CNOT6: variants seen among roughly 807,000 people sequenced by gnomAD.
CNOT6 encodes CCR4-NOT transcription complex subunit 6.
Under a neutral mutation model 61.2 loss-of-function variants are expected in CNOT6, and 12 were observed. The observed-to-expected ratio is 0.20, with a 90% CI of 0.13 to 0.32. CNOT6 has a LOEUF of 0.32. CNOT6 is among the 10% of genes least tolerant of loss of function. CNOT6 has a pLI of 1.00. For synonymous variants in CNOT6, 225 were observed against 240.6 expected (o/e 0.94, Z 0.60); for missense variants, 405 against 663.9 (o/e 0.61, Z 4.28).
At chr5:180,539,164 A>G (rs535246891) in intron 2 of CNOT6, among the ~76,000 whole-genome samples, 2 of 122,958 alleles carry the variant, frequency 1.6e-5, no homozygotes, top group East Asian at 4.4e-4. Context: ...ACAGAGCGAG[A>G]CTCCATCTCA....
chr5:180,542,630 TTACACCTAGTTC>T (rs1759104395), intron 2 of CNOT6, among the ~76,000 whole-genome samples: 1 of 152,226 alleles, frequency 6.6e-6, no homozygotes, highest in Non-Finnish European at 1.5e-5. Context: ...GGTATACTAA[TTACACCTAGTTC>T]TTTTAGTGTT....
At chr5:180,526,206 T>C (rs2127718003) in intron 1 of CNOT6, among the ~76,000 whole-genome samples, 1 of 144,122 alleles carries the variant, frequency 6.9e-6, no homozygotes, top group Admixed American at 7.0e-5. Flanking sequence ...TCCTGAGGAT[T>C]GTTTTTGCTA....
At chr5:180,513,562 CAG>C (rs764016204) in intron 1 of CNOT6, among the ~76,000 whole-genome samples, 1 of 151,192 alleles carries the variant, frequency 6.6e-6, no homozygotes, top group Non-Finnish European at 1.5e-5. Flanking sequence ...TTAGTAGAGA[CAG>C]GGTTTCACCA....
intron 1 of CNOT6, among the ~76,000 whole-genome samples, chr5:180,514,186 G>A (rs894513545): frequency 2.0e-5 from 3 of 151,782 alleles, no homozygotes; most frequent in African/African-American, 7.3e-5. Context: ...CACTTTGGGA[G>A]GCCGAGGCGG....
intron 2 of CNOT6, among the ~76,000 whole-genome samples, chr5:180,536,303 G>A (rs1290546708): frequency 1.3e-5 from 2 of 151,802 alleles, no homozygotes; most frequent in African/African-American, 4.8e-5. Flanking sequence ...CTGGCCTAGG[G>A]TTGTTTTTTT....
At chr5:180,518,010 C>G (rs201526810) in intron 1 of CNOT6, among the ~76,000 whole-genome samples, 1 of 47,644 alleles carries the variant, frequency 2.1e-5, no homozygotes, top group African/African-American at 4.8e-5. Context: ...CCATCTCCCC[C>G]TCTCTCCTCG....
At position 180,577,065 on chromosome 5, in the gene CNOT6, C is replaced by T. The variant is rs1481533070; in HGVS notation, c.*2865C>T. 6.6e-6 allele frequency: 1 copy of T among 152,272 alleles called. No homozygotes were observed. The highest frequency in any genetic ancestry group is 1.5e-5 in the Non-Finnish European group (1 of 68,000). The allele number at this position is 152,272 out of a possible 1,614,324, so 9.4% of individuals were successfully genotyped here. ...CTTTGAGAGTTTCAATATTGTTCGT[C>T]AAGTTAACTTATGGCATAATTTAAG... On this transcript the variant is annotated 3_prime_UTR_variant, in exon 12 of 12. Transcript: ENST00000261951.
intron 3 of CNOT6, among the ~76,000 whole-genome samples, chr5:180,550,475 T>C (rs1581543044): frequency 6.6e-6 from 1 of 152,014 alleles, no homozygotes; most frequent in Non-Finnish European, 1.5e-5. Flanking sequence ...AAAAAAACAT[T>C]TGTTGTGTTA....
At chr5:180,500,441 C>CTTT (rs35457190) in intron 1 of CNOT6, among the ~76,000 whole-genome samples, 5 of 126,634 alleles carry the variant, frequency 3.9e-5, no homozygotes, top group South Asian at 2.5e-4. Flanking sequence ...CTTTTCTTTT[C>CTTT]TTTTTTTTTT....
At position 180,567,271 on chromosome 5, in the gene CNOT6, G is replaced by A. The variant is rs1760512426; in HGVS notation, c.872+29G>A. ...AGTCATCTTATTTTTTAAAAAGAAC[G>A]TTTTCTCAGTATTTGCAGGGTGGGG... is the stretch of plus-strand genomic sequence containing the variant. On this transcript the variant is annotated intron_variant, in intron 8 of 11. Coordinates refer to ENST00000261951, the MANE Select transcript of CNOT6 (RefSeq NM_001370472.1). 5.0e-6 allele frequency: 8 copies of A among 1,586,672 alleles called. No individual in the cohort carries two copies. In the East Asian group the frequency reaches 9.0e-5, roughly 18 times the overall value.
At position 180,567,252 on chromosome 5, in the gene CNOT6, C is replaced by T. The variant is rs56357267; in HGVS notation, c.872+10C>T. The stretch of plus-strand genomic sequence containing the variant: ...TCTTCAAGACAGAAAAGTAAGTCAT[C>T]TTATTTTTTAAAAAGAACGTTTTCT... On this transcript the variant is annotated intron_variant, in intron 8 of 11. Coordinates refer to ENST00000261951, the MANE Select transcript of CNOT6 (RefSeq NM_001370472.1). 0.026 allele frequency: 41,282 copies of T among 1,592,892 alleles called. 655 individuals are homozygous for T. The highest frequency in any genetic ancestry group is 0.029 in the Non-Finnish European group (34,457 of 1,173,926).
intron 1 of CNOT6, among the ~76,000 whole-genome samples, chr5:180,520,410 A>T (rs1014247103): frequency 6.6e-6 from 1 of 152,098 alleles, no homozygotes; most frequent in African/African-American, 2.4e-5. Context: ...TTGGGAGGCC[A>T]AGGCAGGCAG....
chr5:180,538,715 T>TATATATATATATATATAC (rs1491215146), intron 2 of CNOT6, among the ~76,000 whole-genome samples: 2 of 138,356 alleles, frequency 1.4e-5, no homozygotes, highest in East Asian at 2.1e-4. Flanking sequence ...TATATATATA[T>TATATATATATATATATAC]ACAAAAAAAT....
chr5:180,550,035 C>A lies in CNOT6; in HGVS notation c.217C>A (p.Leu73Ile). ...CCGAATTCCTTCAGACATTGCCAAG[C>A]TTCACAATCTGGTGTATTTGGACCT... ...LSRIPSDIAK[L>I]HNLVYLDLSS... The change falls in exon 3 of 12, where the codon CTT (leucine) becomes ATT (isoleucine). Residue 73 changes from leucine to isoleucine, a missense_variant. Leu to Ile is a conservative substitution (Grantham distance 5). Coordinates refer to ENST00000261951, the MANE Select transcript of CNOT6 (RefSeq NM_001370472.1). 6.2e-7 allele frequency: 1 copy of A among 1,614,124 alleles called. No homozygotes were observed. Among genetic ancestry groups the A allele is most frequent in the Non-Finnish European group, 8.5e-7 (1 of 1,179,978 alleles).
chr5:180,496,257 C>T (rs1006017038), intron 1 of CNOT6, among the ~76,000 whole-genome samples: 1 of 152,050 alleles, frequency 6.6e-6, no homozygotes, highest in Admixed American at 6.6e-5. Flanking sequence ...ATAAAAATTG[C>T]TTAATATCTT....
chr5:180,502,100 G>C (rs1756891426), intron 1 of CNOT6, among the ~76,000 whole-genome samples: 1 of 152,180 alleles, frequency 6.6e-6, no homozygotes, highest in South Asian at 2.1e-4. Context: ...GTCGAGAGAA[G>C]GTAGGCACCT....
intron 11 of CNOT6, among the ~76,000 whole-genome samples, chr5:180,572,277 C>T (rs923429866): frequency 3.3e-5 from 5 of 151,934 alleles, no homozygotes; most frequent in Admixed American, 1.3e-4. Flanking sequence ...GCAACCTCCA[C>T]CTCCCAGGTT....
intron 2 of CNOT6, among the ~76,000 whole-genome samples, chr5:180,538,327 C>T (rs1180156845): frequency 1.3e-5 from 2 of 150,112 alleles, no homozygotes; most frequent in African/African-American, 2.4e-5. Context: ...GCGTGAGCCA[C>T]CGCACCTGGC....
intron 4 of CNOT6, among the ~76,000 whole-genome samples, chr5:180,560,787 A>G (rs1760130555): frequency 6.6e-6 from 1 of 152,084 alleles, no homozygotes; most frequent in Non-Finnish European, 1.5e-5. Context: ...GAGAATCTTC[A>G]GCCATTATTG....
Sources: gnomAD v4.1 joint callset for allele counts (sites outside exome capture counted in the v4.1 genomes callset) on GRCh38, gnomAD v4.1.1 for gene constraint, MANE v1.5 for transcripts, NCBI Gene and HGNC (gene_info 2026-07-23, HGNC 2026-07-21) for gene names.